KRT31: variants seen among roughly 807,000 people sequenced by gnomAD.
The protein encoded by KRT31 is keratin, type I cuticular Ha1.
KRT31 carries 27 observed loss-of-function variants against 40.8 expected under a neutral mutation model. The observed-to-expected ratio is 0.66, with a 90% CI of 0.49 to 0.91. The LOEUF is 0.91. Ranked by LOEUF, KRT31 falls within the 40% of genes least tolerant of loss-of-function variation. KRT31 has a pLI of 0.00. For missense variants in KRT31, 510 were observed against 544.1 expected, an observed-to-expected ratio of 0.94 and a Z score of 0.62; for synonymous variants, 231 against 231.9, an observed-to-expected ratio of 1.00 and a Z score of 0.03.
Position 41,396,466 on chromosome 17 carries a change from T to C in KRT31, c.542A>G (p.Glu181Gly), listed in dbSNP as rs1469202931. The change falls in exon 3 of 7, where the codon GAG becomes GGG. Residue 181 changes from glutamate (E) to glycine (G), a missense_variant. Transcript: ENST00000251645. ...GCAGAGCAGCTCCTCCTTCAGGGAC[T>C]CCACCTGGGCCTCCAGGTCGGACTT... ...LCKSDLEAQV[E>G]SLKEELLCLK... 6.2e-7 allele frequency: 1 copy of C among 1,614,186 alleles called. No individual in the cohort carries two copies. The highest frequency in any genetic ancestry group is 1.7e-5 in the Admixed American group (1 of 60,014).
At chr17:41,396,349 C>T in intron 3 of KRT31, 71 bp downstream of exon 3, 2 of 1,481,472 alleles carry the variant, frequency 1.4e-6, no homozygotes, top group Non-Finnish European at 1.8e-6. Context: ...CATTCTGCTG[C>T]CCCAAATCAC....
rs1453422600 is a variant in KRT31, at chr17:41,396,527, C to T, written c.481G>A (p.Gly161Ser). The change falls in exon 3 of 7, where the codon GGT becomes AGT. Residue 161 changes from glycine (G) to serine (S), a missense_variant. Physicochemically the swap from Gly to Ser is moderately conservative, Grantham distance 56. Coordinates refer to ENST00000251645, the MANE Select transcript of KRT31 (RefSeq NM_002277.3). ...LRQLVESDIN[G>S]LRRILDELTL... ...AGCTCATCCAGGATCCTGCGCAGAC[C>T]GTTGATGTCCGACTCCACCAGCTGC... 3 of 1,614,140 alleles carry T rather than the reference C, an allele frequency of 1.9e-6. No individual in the cohort carries two copies. The highest frequency in any genetic ancestry group is 2.5e-6 in the Non-Finnish European group (3 of 1,180,012).
rs758453403 is a variant in KRT31 at position 41,395,325 on chromosome 17, G to T, written c.796C>A (p.Gln266Lys). The T allele has an allele frequency of 1.1e-5, 18 of 1,613,752 alleles. No individual in the cohort carries two copies. The highest frequency in any genetic ancestry group is 5.0e-5 in the Admixed American group (3 of 60,014). ...TCGATGATCTCCGCCTGGTAGGACT[G>T]CAGCTGCTCTGAGCTGGATACCACC... is the stretch of plus-strand genomic sequence containing the variant. ...KQVVSSSEQL[Q>K]SYQAEIIELR... is the part of the protein sequence containing the mutation. The change falls in exon 5 of 7, where the codon CAG becomes AAG. Residue 266 changes from glutamine (Q) to lysine (K), a missense_variant. By Grantham distance (53) the Gln-to-Lys change is moderately conservative (BLOSUM62 1). Transcript: ENST00000251645.
At position 41,397,258 on chromosome 17, in the gene KRT31, C is replaced by G. The variant is rs1168455105; in HGVS notation, c.282G>C (p.Gln94His). 9.3e-6 allele frequency: 15 copies of G among 1,614,136 alleles called. No individual in the cohort carries two copies. The highest frequency in any genetic ancestry group is 1.7e-5 in the Admixed American group (1 of 60,014). ...AACTGGGGCACAGCAAGGGCTCCTGCTGCTGAGACCGCTCCCGGATGAGGT... is the reference window on the plus strand; with the variant it reads ...AACTGGGGCACAGCAAGGGCTCCTGGTGCTGAGACCGCTCCCGGATGAGGT... ...LENLIRERSQ[Q>H]QEPLLCPSYQ... is the part of the protein sequence containing the mutation. Residue 94 changes from glutamine (Q) to histidine (H), a missense_variant, in exon 1 of 7, where the codon CAG (glutamine) becomes CAC (histidine). Gln to His is a conservative substitution (Grantham distance 24). Coordinates refer to ENST00000251645, the MANE Select transcript of KRT31 (RefSeq NM_002277.3).
Position 41,393,970 on chromosome 17 carries a change from G to A in KRT31, c.*46C>T, listed in dbSNP as rs1168943787. ...TGAACCAGAGCCAGGTCACAGCTCT[G>A]GAGTCCTGGGCCCTGCATCCTTGCT... is the stretch of plus-strand genomic sequence containing the variant. On this transcript the variant is annotated 3_prime_UTR_variant, in exon 7 of 7. Coordinates refer to ENST00000251645, the MANE Select transcript of KRT31 (RefSeq NM_002277.3). The A allele has an allele frequency of 1.3e-5, 21 of 1,590,910 alleles. No individual in the cohort carries two copies. The highest frequency in any genetic ancestry group is 1.7e-5 in the Non-Finnish European group (20 of 1,171,588).
At chr17:41,397,056 A>T in intron 1 of KRT31, 61 bp from the exon 2 acceptor site, 1 of 1,578,864 alleles carries the variant, frequency 6.3e-7, no homozygotes, top group South Asian at 1.1e-5. Flanking sequence ...TCAACTTTTT[A>T]AAAATGACTT....
chr17:41,394,910 C>A lies in KRT31; in HGVS notation c.1035G>T (p.Val345=), dbSNP rs528481251. 4 of 1,613,940 alleles carry A rather than the reference C, an allele frequency of 2.5e-6. No individual in the cohort carries two copies. The highest frequency in any genetic ancestry group is 4.5e-5 in the East Asian group (2 of 44,830). The part of the protein sequence containing the change: ...QNQEYQVLLD[V]RARLECEINT... ...TGATCTCACACTCCAGCCGGGCACG[C>A]ACATCCAGCAGCACCTGGTACTCCT... The change falls in exon 6 of 7, where the codon GTG becomes GTT. Residue 345 remains valine (V), a synonymous_variant. Transcript: ENST00000251645.
intron 2 of KRT31, 68 bp downstream of exon 2, chr17:41,396,845 T>C: frequency 1.5e-6 from 2 of 1,366,628 alleles, no homozygotes; most frequent in East Asian, 2.3e-5. Context: ...TGTTTTCAGA[T>C]GGAAATCCCT....
Position 41,393,751 on chromosome 17 carries a change from A to C in KRT31, c.*265T>G. ...TGCCAAGGAAATGATATTTATTAGGAGGTTAAAAGGGAGGCCCACTGGCAC... is the reference window on the plus strand; with the variant it reads ...TGCCAAGGAAATGATATTTATTAGGCGGTTAAAAGGGAGGCCCACTGGCAC... On this transcript the variant is annotated 3_prime_UTR_variant, in exon 7 of 7. Transcript: ENST00000251645. 2.1e-6 allele frequency: 1 copy of C among 465,728 alleles called. No homozygotes were observed. Among genetic ancestry groups the C allele is most frequent in the Non-Finnish European group, 3.7e-6 (1 of 267,402 alleles). 28.8% of individuals were successfully genotyped at this position (465,728 alleles called of 1,614,324 possible). A position where few individuals can be genotyped will look rare whatever the true frequency, so the allele number is the denominator to read the frequency against.
intron 6 of KRT31, among the ~76,000 whole-genome samples, chr17:41,394,402 T>C (rs1355197225): frequency 6.6e-6 from 1 of 152,142 alleles, no homozygotes; most frequent in African/African-American, 2.4e-5. Flanking sequence ...TACTCTCAAA[T>C]CCATTCATGC....
chr17:41,394,644 A>C (rs1238145476), intron 6 of KRT31, among the ~76,000 whole-genome samples: 1 of 152,196 alleles, frequency 6.6e-6, no homozygotes, highest in East Asian at 1.9e-4. Context: ...TGGCAGTGCA[A>C]TTTCAGTTTG....
rs1338427119 is a variant in KRT31 at position 41,397,337 on chromosome 17, G to A, written c.203C>T (p.Ala68Val). ...ETMQFLNDRL[A>V]SYLEKVRQLE... Reference sequence around the variant, plus strand: ...CTGACGCACTTTCTCCAGGTAGCTGGCCAGGCGGTCGTTCAGGAACTGCAT... The same window carrying A: ...CTGACGCACTTTCTCCAGGTAGCTGACCAGGCGGTCGTTCAGGAACTGCAT... Residue 68 changes from alanine (A) to valine (V), a missense_variant, in exon 1 of 7, where the codon GCC (alanine) becomes GTC (valine). Physicochemically the swap from Ala to Val is moderately conservative, Grantham distance 64. Coordinates refer to ENST00000251645, the MANE Select transcript of KRT31 (RefSeq NM_002277.3). The A allele has an allele frequency of 1.4e-5, 22 of 1,613,848 alleles. No individual in the cohort carries two copies. Among genetic ancestry groups the A allele is most frequent in the Non-Finnish European group, 1.9e-5 (22 of 1,180,066 alleles).
In KRT31 at chr17:41,397,223, T is replaced by C; in HGVS notation, c.317A>G (p.Tyr106Cys). The C allele has an allele frequency of 6.2e-7, 1 of 1,614,162 alleles. No homozygotes were observed. The highest frequency in any genetic ancestry group is 8.5e-7 in the Non-Finnish European group (1 of 1,180,018). Residue 106 changes from tyrosine (Y) to cysteine (C), a missense_variant, in exon 1 of 7, where the codon TAT becomes TGT. Transcript: ENST00000251645. ...CTGGAGCTCCTCAATGGTCTTAAAA[T>C]AGGACTGGTAACTGGGGCACAGCAA... ...EPLLCPSYQS[Y>C]FKTIEELQQK...
rs968220066 is a variant in KRT31, at chr17:41,395,503, C to T, written c.709G>A (p.Glu237Lys). 1 of 1,614,204 alleles carries T rather than the reference C, an allele frequency of 6.2e-7. No homozygotes were observed. The highest frequency in any genetic ancestry group is 1.3e-5 in the African/African-American group (1 of 75,050). ...ETRSQYEALV[E>K]TNRREVEQWF... ...TGCTCCACTTCCCTGCGGTTGGTTT[C>T]CACCAGGGCCTCATACTGACTCCTG... The change falls in exon 4 of 7, where the codon GAA becomes AAA. Residue 237 changes from glutamate (E) to lysine (K), a missense_variant. Glu to Lys is a moderately conservative substitution (Grantham distance 56, BLOSUM62 1). Coordinates refer to ENST00000251645, the MANE Select transcript of KRT31 (RefSeq NM_002277.3).
rs2018249044 is a variant in KRT31, at chr17:41,397,351, C to G, written c.189G>C (p.Leu63=). The G allele has an allele frequency of 2.5e-6, 4 of 1,613,544 alleles. No individual in the cohort carries two copies. Among genetic ancestry groups the G allele is most frequent in the Non-Finnish European group, 3.4e-6 (4 of 1,180,060 alleles). Residue 63 remains leucine (L), a synonymous_variant, in exon 1 of 7, where the codon CTG becomes CTC. Coordinates refer to ENST00000251645, the MANE Select transcript of KRT31 (RefSeq NM_002277.3). ...CCAGGTAGCTGGCCAGGCGGTCGTT[C>G]AGGAACTGCATAGTCTCCTTCTCGC... ...NGSEKETMQF[L]NDRLASYLEK...
At position 41,395,580 on chromosome 17, in the gene KRT31, A is replaced by G. The variant is rs2018212709; in HGVS notation, c.632T>C (p.Val211Ala). ...CACAGTGGGAGCAGCATCCACCTCCACATTGAGGCGGTCTCCAAGCTGGCA... is the reference window on the plus strand; with the variant it reads ...CACAGTGGGAGCAGCATCCACCTCCGCATTGAGGCGGTCTCCAAGCTGGCA... Reference protein sequence around the residue: ...LRCQLGDRLNVEVDAAPTVDL... With the variant: ...LRCQLGDRLNAEVDAAPTVDL... Residue 211 changes from valine to alanine, a missense_variant, in exon 4 of 7, where the codon GTG (valine) becomes GCG (alanine). Val to Ala is a moderately conservative substitution (Grantham distance 64, BLOSUM62 0). Transcript: ENST00000251645. The G allele has an allele frequency of 1.2e-6, 2 of 1,614,170 alleles. No homozygotes were observed. Among genetic ancestry groups the G allele is most frequent in the Non-Finnish European group, 1.7e-6 (2 of 1,180,024 alleles).
chr17:41,393,870 G>A lies in KRT31; in HGVS notation c.*146C>T. 2.4e-6 allele frequency: 2 copies of A among 820,188 alleles called. No homozygotes were observed. Among genetic ancestry groups the A allele is most frequent in the Non-Finnish European group, 3.7e-6 (2 of 541,408 alleles). 50.8% of individuals were successfully genotyped at this position (820,188 alleles called of 1,614,324 possible). ...TCTGGAGTAGTTGGGGAGGCTACAG[G>A]CTTTGGGTGAGTTTCTTGGCTGCCT... On this transcript the variant is annotated 3_prime_UTR_variant, in exon 7 of 7. Coordinates refer to ENST00000251645, the MANE Select transcript of KRT31 (RefSeq NM_002277.3).
chr17:41,394,634 T>G (rs372987352), intron 6 of KRT31, among the ~76,000 whole-genome samples: 4 of 152,256 alleles, frequency 2.6e-5, no homozygotes, highest in African/African-American at 9.6e-5. Context: ...TGCAAAGACT[T>G]GGCAGTGCAA....
rs2018203426 is a variant in KRT31, at chr17:41,395,283, T to A, written c.838A>T (p.Asn280Tyr). The change falls in exon 5 of 7, where the codon AAC (asparagine) becomes TAC (tyrosine). Residue 280 changes from asparagine to tyrosine, a missense_variant. Transcript: ENST00000251645. ...AEIIELRRTV[N>Y]ALEIELQAQH... ...GCCTGCAGCTCGATCTCCAGGGCGT[T>A]GACTGTGCGTCTCAGCTCGATGATC... The A allele has an allele frequency of 6.2e-7, 1 of 1,612,910 alleles. No homozygotes were observed. The highest frequency in any genetic ancestry group is 1.7e-5 in the Admixed American group (1 of 60,006).
Sources: gnomAD v4.1 joint callset for allele counts (sites outside exome capture counted in the v4.1 genomes callset) on GRCh38, gnomAD v4.1.1 for gene constraint, MANE v1.5 for transcripts, NCBI Gene and HGNC (gene_info 2026-07-23, HGNC 2026-07-21) for gene names.